AMN1: variants seen among roughly 807,000 people sequenced by gnomAD.
AMN1 encodes antagonist of mitotic exit network 1 homolog.
Under a neutral mutation model 33.0 loss-of-function variants are expected in AMN1, and 20 were observed. That is an observed-to-expected ratio of 0.61 (90% CI 0.43 to 0.88). The LOEUF (loss-of-function observed/expected upper bound fraction) is 0.88. Ranked by LOEUF, AMN1 falls within the 40% of genes least tolerant of loss-of-function variation. The pLI, the probability that AMN1 is intolerant of heterozygous loss-of-function variation, is 0.00. For missense variants in AMN1, 246 were observed against 307.4 expected (o/e 0.80, Z 1.49); for synonymous variants, 114 against 111.9 (o/e 1.02, Z -0.12).
intron 6 of AMN1, among the ~76,000 whole-genome samples, chr12:31,676,627 T>C (rs1317725143): frequency 1.3e-5 from 2 of 151,348 alleles, no homozygotes; most frequent in Non-Finnish European, 2.9e-5. Context: ...TGGCCAACAC[T>C]TCCCAATTTC....
intron 6 of AMN1, among the ~76,000 whole-genome samples, chr12:31,675,215 C>G (rs1951362007): frequency 6.6e-6 from 1 of 151,606 alleles, no homozygotes; most frequent in South Asian, 2.1e-4. Flanking sequence ...CCCAGGAGTT[C>G]AAGACCAGCC....
At position 31,697,745 on chromosome 12, in the gene AMN1, T is replaced by G. The variant is rs1388426221; in HGVS notation, c.529A>C (p.Thr177Pro). The change falls in exon 4 of 7, where the codon ACT becomes CCT. Residue 177 changes from threonine (T) to proline (P), a missense_variant. Physicochemically the swap from Thr to Pro is conservative, Grantham distance 38. Transcript: ENST00000281471. ...PFLQCVDFSA[T>P]QVSDSGVIAL... ...GTAGCCTATATGTCATTTACCTGAG[T>G]AGCTGAAAAGTCGACACACTGCAAA... 6.2e-7 allele frequency: 1 copy of G among 1,613,672 alleles called. No individual in the cohort carries two copies. Among genetic ancestry groups the G allele is most frequent in the Admixed American group, 1.7e-5 (1 of 60,024 alleles).
intron 3 of AMN1, among the ~76,000 whole-genome samples, chr12:31,700,936 G>T (rs1044190064): frequency 6.6e-6 from 1 of 151,890 alleles, no homozygotes; most frequent in Non-Finnish European, 1.5e-5. Context: ...TGATCCACCC[G>T]CCTAGGCCTC....
At chr12:31,725,846 C>T (rs2139737880) in intron 1 of AMN1, among the ~76,000 whole-genome samples, 1 of 152,276 alleles carries the variant, frequency 6.6e-6, no homozygotes, top group East Asian at 1.9e-4. Flanking sequence ...CACATGTGCA[C>T]CACCATGCCC....
intron 6 of AMN1, chr12:31,672,702 C>G (rs1412088685): frequency 5.3e-6 from 1 of 189,792 alleles, no homozygotes; most frequent in Non-Finnish European, 1.1e-5. Context: ...TGGTTAATAA[C>G]TTTTTTCAGG....
rs765756877 is a variant in AMN1, at chr12:31,685,449, C to T, written c.703+3558G>A. On this transcript the variant is annotated intron_variant, in intron 6 of 6. Coordinates refer to ENST00000281471, the MANE Select transcript of AMN1 (RefSeq NM_001113402.2). ...GCTGTCCATTGAAGGATCATTCTTC[C>T]CACACTCTTAAATGAAAATTTAGTT... Among the ~76,000 whole-genome samples the T allele has an allele frequency of 3.7e-4, 57 of 152,146 alleles. 1 individual carries two copies. Among genetic ancestry groups the T allele is most frequent in the Non-Finnish European group, 7.3e-4 (50 of 68,028 alleles).
chr12:31,689,663 A>T (rs11051535), intron 5 of AMN1, among the ~76,000 whole-genome samples: 6,154 of 152,306 alleles, frequency 0.04, 393 homozygotes, highest in East Asian at 0.27. Flanking sequence ...CAAGAAAAAT[A>T]AAAACATATG....
intron 3 of AMN1, among the ~76,000 whole-genome samples, chr12:31,700,456 G>GT (rs1242722461): frequency 1.3e-5 from 2 of 152,126 alleles, no homozygotes; most frequent in African/African-American, 4.8e-5. Context: ...ACTAACTCAT[G>GT]TAATAGTGAC....
At chr12:31,717,190 A>T (rs879597224) in intron 1 of AMN1, among the ~76,000 whole-genome samples, 1 of 151,926 alleles carries the variant, frequency 6.6e-6, no homozygotes, top group Non-Finnish European at 1.5e-5. Flanking sequence ...CACTTATGAC[A>T]TGCGGTGTTT....
chr12:31,690,395 T>A (rs550366084), intron 5 of AMN1, among the ~76,000 whole-genome samples: 1 of 152,354 alleles, frequency 6.6e-6, no homozygotes, highest in South Asian at 2.1e-4. Flanking sequence ...GTGTTCCCTG[T>A]TCACCACATC....
chr12:31,709,418 A>G lies in AMN1; in HGVS notation c.46T>C (p.Trp16Arg), dbSNP rs771195352. 15 of 1,612,330 alleles carry G rather than the reference A, an allele frequency of 9.3e-6. No homozygotes were observed. Among genetic ancestry groups the G allele is most frequent in the Non-Finnish European group, 1.3e-5 (15 of 1,178,818 alleles). ...RVSQLLDLCL[W>R]CFMKNISRYL... is the part of the protein sequence containing the mutation. ...CTGGAAATATTCTTCATGAAGCACC[A>G]AAGGCATCTGAAATACAAATACAAT... Residue 16 changes from tryptophan to arginine, a missense_variant, in exon 2 of 7, where the codon TGG (tryptophan) becomes CGG (arginine). Physicochemically the swap from Trp to Arg is moderately radical, Grantham distance 101. Transcript: ENST00000281471.
intron 4 of AMN1, 75 bp downstream of exon 4, chr12:31,697,665 A>G (rs1938790310): frequency 1.4e-6 from 2 of 1,463,908 alleles, no homozygotes; most frequent in East Asian, 2.3e-5. Flanking sequence ...ACTCCTTATG[A>G]TATGTTCTCA....
chr12:31,711,505 T>A (rs1445159894), intron 1 of AMN1, among the ~76,000 whole-genome samples: 2 of 152,256 alleles, frequency 1.3e-5, no homozygotes, highest in Non-Finnish European at 2.9e-5. Context: ...ACAACATCCT[T>A]GCATGAGCTT....
At chr12:31,703,197 T>G (rs1939084579) in intron 2 of AMN1, among the ~76,000 whole-genome samples, 1 of 152,212 alleles carries the variant, frequency 6.6e-6, no homozygotes, top group Non-Finnish European at 1.5e-5. Context: ...GGAGTGGAGC[T>G]GGGATTGGAA....
At chr12:31,716,785 G>C (rs745720837) in intron 1 of AMN1, among the ~76,000 whole-genome samples, 1 of 152,094 alleles carries the variant, frequency 6.6e-6, no homozygotes, top group African/African-American at 2.4e-5. Context: ...CCATTCCGTG[G>C]ATTGCCTTTC....
chr12:31,694,072 C>T (rs4272861), intron 5 of AMN1, among the ~76,000 whole-genome samples: 5,431 of 150,640 alleles, frequency 0.036, 119 homozygotes, highest in Middle Eastern at 0.072. Context: ...CAGAATGGAA[C>T]AAATTAAAAG....
chr12:31,722,652 G>A (rs975454305), intron 1 of AMN1, among the ~76,000 whole-genome samples: 1 of 152,134 alleles, frequency 6.6e-6, no homozygotes, highest in African/African-American at 2.4e-5. Context: ...CAATTCCTGG[G>A]CATGATATGC....
intron 1 of AMN1, among the ~76,000 whole-genome samples, chr12:31,726,983 T>C (rs1031598271): frequency 1.3e-5 from 2 of 152,010 alleles, no homozygotes; most frequent in Admixed American, 1.3e-4. Context: ...ATTTATCTAT[T>C]TATTTATTTA....
At chr12:31,679,364 T>TA (rs977875927) in intron 6 of AMN1, among the ~76,000 whole-genome samples, 2 of 151,700 alleles carry the variant, frequency 1.3e-5, no homozygotes, top group African/African-American at 4.8e-5. Flanking sequence ...CTATCTCTAC[T>TA]AAAAAAATAC....
Sources: gnomAD v4.1 joint callset for allele counts (sites outside exome capture counted in the v4.1 genomes callset) on GRCh38, gnomAD v4.1.1 for gene constraint, MANE v1.5 for transcripts, NCBI Gene and HGNC (gene_info 2026-07-23, HGNC 2026-07-21) for gene names.